The following HUNK variants were observed in gnomAD, a reference collection of about 807,000 sequenced individuals.
HUNK encodes hormonally up-regulated Neu-associated kinase.
HUNK carries 21 observed loss-of-function variants against 61.0 expected under a neutral mutation model. That is an observed-to-expected ratio of 0.34 (90% confidence interval 0.24 to 0.50). The LOEUF (loss-of-function observed/expected upper bound fraction) is 0.50, where lower values mean the gene tolerates loss of function less well. Among genes scored for constraint, HUNK ranks in the 20% least tolerant of loss-of-function variants. The pLI is 0.98. For missense variants in HUNK, 772 were observed against 945.7 expected (o/e 0.82, Z 2.41); for synonymous variants, 371 against 386.1 (o/e 0.96, Z 0.46).
intron 8 of HUNK, among the ~76,000 whole-genome samples, chr21:31,988,091 CA>C (rs1399576777): frequency 2.6e-5 from 4 of 152,200 alleles, no homozygotes; most frequent in Non-Finnish European, 4.4e-5. Context: ...GGTAACCGTG[CA>C]GTGATTTTAC....
At chr21:31,975,826 A>G (rs996706969) in intron 7 of HUNK, among the ~76,000 whole-genome samples, 2 of 152,194 alleles carry the variant, frequency 1.3e-5, no homozygotes, top group Admixed American at 6.5e-5. Context: ...CCAAATTAAT[A>G]CCCGGAGGAC....
intron 1 of HUNK, among the ~76,000 whole-genome samples, chr21:31,916,526 G>A (rs1410876608): frequency 1.3e-5 from 2 of 151,806 alleles, no homozygotes. Context: ...TGGATTCCTC[G>A]GCAGTCAGCA....
chr21:31,884,619 G>A (rs1041064230), intron 1 of HUNK, among the ~76,000 whole-genome samples: 1 of 151,774 alleles, frequency 6.6e-6, no homozygotes, highest in African/African-American at 2.4e-5. Flanking sequence ...AATAAAGGGT[G>A]CCTAAAGGAG....
intron 4 of HUNK, among the ~76,000 whole-genome samples, chr21:31,952,444 C>A (rs887415212): frequency 2.0e-5 from 3 of 152,154 alleles, no homozygotes; most frequent in Admixed American, 6.5e-5. Context: ...CCCTTAAGAA[C>A]GAGTAATCAG....
At chr21:31,988,778 C>G (rs1239597684) in intron 8 of HUNK, among the ~76,000 whole-genome samples, 1 of 148,526 alleles carries the variant, frequency 6.7e-6, no homozygotes, top group Non-Finnish European at 1.5e-5. Context: ...TCCTTTCTCT[C>G]TCTCTCTTTT....
Position 31,998,404 on chromosome 21 carries a change from T to A in HUNK, c.1487-122T>A, listed in dbSNP as rs998968443. On this transcript the variant is annotated intron_variant, in intron 10 of 10. Coordinates refer to ENST00000270112, the MANE Select transcript of HUNK (RefSeq NM_014586.2). ...CAAAGTAGCCAAGGCTGTTTGCCGG[T>A]TGGTTTCTTCTGACCTTGGCGGGAA... 3 of 903,836 alleles carry A rather than the reference T, an allele frequency of 3.3e-6. No individual in the cohort carries two copies. In the African/African-American group the frequency reaches 5.0e-5, roughly 15 times the overall value. 56.0% of individuals were successfully genotyped at this position (903,836 alleles called of 1,614,324 possible). A position where few individuals can be genotyped will look rare whatever the true frequency, so the allele number is the denominator to read the frequency against.
At position 31,999,063 on chromosome 21, in the gene HUNK, G is replaced by T. The variant is rs749847029; in HGVS notation, c.2024G>T (p.Arg675Leu). Residue 675 changes from arginine (R) to leucine (L), a missense_variant, in exon 11 of 11, where the codon CGC (arginine) becomes CTC (leucine). By Grantham distance (102) the Arg-to-Leu change is moderately radical. Coordinates refer to ENST00000270112, the MANE Select transcript of HUNK (RefSeq NM_014586.2). The stretch of plus-strand genomic sequence containing the variant: ...GGCATCGGACAGATGTTAAGGAAGC[G>T]CCATCAGAGTCTGCAGCCATCTGCA... ...MMGIGQMLRK[R>L]HQSLQPSADR... The T allele has an allele frequency of 1.4e-5, 23 of 1,614,196 alleles. No homozygotes were observed. The highest frequency in any genetic ancestry group is 1.7e-5 in the Non-Finnish European group (20 of 1,180,022).
Position 31,995,760 on chromosome 21 carries a change from A to G in HUNK, c.1306-8A>G, listed in dbSNP as rs1327747645. The G allele has an allele frequency of 6.2e-7, 1 of 1,611,806 alleles. No individual in the cohort carries two copies. Among genetic ancestry groups the G allele is most frequent in the Non-Finnish European group, 8.5e-7 (1 of 1,178,606 alleles). On this transcript the variant is annotated splice_polypyrimidine_tract_variant and splice_region_variant and intron_variant, in intron 9 of 10. Transcript: ENST00000270112. ...GTCTAAGTGCATATGTTTGCTTCTG[A>G]TTTGTAGGATAAAAAGCCCAAAGAA... is the stretch of plus-strand genomic sequence containing the variant.
intron 4 of HUNK, among the ~76,000 whole-genome samples, chr21:31,952,510 G>A (rs2052857559): frequency 6.6e-6 from 1 of 152,116 alleles, no homozygotes; most frequent in South Asian, 2.1e-4. Flanking sequence ...CTTGCATCTT[G>A]TTAAAATTGC....
At chr21:31,968,842 TTGTGTG>T (rs56695834) in intron 6 of HUNK, among the ~76,000 whole-genome samples, 1,915 of 140,550 alleles carry the variant, frequency 0.014, 46 homozygotes, top group African/African-American at 0.041. Context: ...GTGTGTAAAT[TTGTGTG>T]TGTGTGTGTG....
intron 2 of HUNK, among the ~76,000 whole-genome samples, chr21:31,930,444 C>T (rs1007809131): frequency 6.6e-6 from 1 of 152,198 alleles, no homozygotes; most frequent in Non-Finnish European, 1.5e-5. Flanking sequence ...TCTCTGCTTG[C>T]ACTGCCCTTG....
chr21:31,898,104 G>A (rs780369166), intron 1 of HUNK, among the ~76,000 whole-genome samples: 3 of 152,114 alleles, frequency 2.0e-5, no homozygotes, highest in Non-Finnish European at 2.9e-5. Context: ...AAGACCCCCC[G>A]CTGGTCTGGC....
At chr21:31,994,340 C>T (rs1222819311) in intron 9 of HUNK, among the ~76,000 whole-genome samples, 2 of 152,172 alleles carry the variant, frequency 1.3e-5, no homozygotes, top group Non-Finnish European at 2.9e-5. Flanking sequence ...TCTACCCTGT[C>T]GTCTTTCCCA....
intron 3 of HUNK, among the ~76,000 whole-genome samples, chr21:31,942,540 G>C (rs1231124813): frequency 6.6e-6 from 1 of 152,150 alleles, no homozygotes; most frequent in East Asian, 1.9e-4. Context: ...TCTTAGAGGA[G>C]ACCTGTCCAG....
At position 31,917,457 on chromosome 21, in the gene HUNK, A is replaced by G. The variant is rs143173516; in HGVS notation, c.262-7011A>G. Among the ~76,000 whole-genome samples the G allele has an allele frequency of 2.4e-3, 366 of 152,218 alleles. 3 individuals are homozygous for G. Among genetic ancestry groups the G allele is most frequent in the East Asian group, 0.015 (80 of 5,190 alleles). ...ATCTCTTTCAACTGTCATATATTGG[A>G]ACTGTGCTCTTCTCTTTCTACTAAT... On this transcript the variant is annotated intron_variant, in intron 1 of 10. Transcript: ENST00000270112.
chr21:31,903,822 A>G (rs545799689), intron 1 of HUNK, among the ~76,000 whole-genome samples: 2 of 152,228 alleles, frequency 1.3e-5, no homozygotes, highest in Non-Finnish European at 2.9e-5. Flanking sequence ...AAGTAAGAGG[A>G]ATGTTTTAAG....
chr21:31,906,044 C>T (rs1330907855), intron 1 of HUNK, among the ~76,000 whole-genome samples: 2 of 152,038 alleles, frequency 1.3e-5, no homozygotes, highest in Non-Finnish European at 2.9e-5. Flanking sequence ...TGCACTGCTG[C>T]CCCTGCCATG....
chr21:31,932,271 C>G (rs1398827710), intron 2 of HUNK, among the ~76,000 whole-genome samples: 2 of 152,192 alleles, frequency 1.3e-5, no homozygotes, highest in African/African-American at 4.8e-5. Flanking sequence ...AGCTGCCTTT[C>G]TGCCCCCAGG....
At chr21:31,939,613 A>T (rs531746180) in intron 2 of HUNK, among the ~76,000 whole-genome samples, 18 of 151,684 alleles carry the variant, frequency 1.2e-4, no homozygotes, top group African/African-American at 4.4e-4. Flanking sequence ...TCTCCATGTT[A>T]GTCAGGCTGG....
Sources: gnomAD v4.1 joint callset for allele counts (sites outside exome capture counted in the v4.1 genomes callset) on GRCh38, gnomAD v4.1.1 for gene constraint, MANE v1.5 for transcripts, NCBI Gene and HGNC (gene_info 2026-07-23, HGNC 2026-07-21) for gene names.